ATP13A5: variants seen among roughly 807,000 people sequenced by gnomAD.
ATP13A5 encodes ATPase 13A5.
A neutral mutation model predicts 150.2 loss-of-function variants in ATP13A5; 149 were observed. That is an observed-to-expected ratio of 0.99 (90% CI 0.87 to 1.14). The LOEUF is 1.14. Among genes scored for constraint, ATP13A5 ranks in the 50% most tolerant of loss-of-function variants. ATP13A5 has a pLI of 0.00. For synonymous variants in ATP13A5, 497 were observed against 522.2 expected, an observed-to-expected ratio of 0.95 and a Z score of 0.66; for missense variants, 1,383 against 1,449.3, an observed-to-expected ratio of 0.95 and a Z score of 0.74.
Position 193,279,284 on chromosome 3 carries a change from G to A in ATP13A5, c.3315+82C>T. The A allele has an allele frequency of 9.0e-6, 10 of 1,116,702 alleles. No homozygotes were observed. In the South Asian group the frequency reaches 1.2e-4, roughly 13 times the overall value. The allele number at this position is 1,116,702 out of a possible 1,614,324, so 69.2% of individuals were successfully genotyped here. A position where few individuals can be genotyped will look rare whatever the true frequency, so the allele number is the denominator to read the frequency against. ...GTATTTGGTGGTCAAAGAGAATACA[G>A]TAATAATTGACTTGTGAATTACAAT... On this transcript the variant is annotated intron_variant, in intron 28 of 29. Transcript: ENST00000342358.
At chr3:193,354,254 C>G in intron 5 of ATP13A5, 58 bp from the exon 6 acceptor site, 1 of 1,462,650 alleles carries the variant, frequency 6.8e-7, no homozygotes, top group South Asian at 1.2e-5. Flanking sequence ...TAAGTGACTA[C>G]AGGCCAAACT....
At chr3:193,363,744 C>T (rs1472993840) in intron 2 of ATP13A5, among the ~76,000 whole-genome samples, 1 of 152,168 alleles carries the variant, frequency 6.6e-6, no homozygotes, top group African/African-American at 2.4e-5. Flanking sequence ...TGTGTAATAT[C>T]CTCCAAAATA....
At chr3:193,308,260 C>CA in intron 21 of ATP13A5, among the ~76,000 whole-genome samples, 1 of 152,106 alleles carries the variant, frequency 6.6e-6, no homozygotes, top group Middle Eastern at 3.4e-3. Flanking sequence ...GAGTTCGAGA[C>CA]CAGCCTAGCC....
intron 7 of ATP13A5, among the ~76,000 whole-genome samples, chr3:193,346,141 GT>G (rs1429478607): frequency 6.6e-6 from 1 of 152,054 alleles, no homozygotes; most frequent in Non-Finnish European, 1.5e-5. Context: ...ATACAATAGG[GT>G]TAAGTTTTAA....
intron 6 of ATP13A5, among the ~76,000 whole-genome samples, chr3:193,352,666 G>A (rs1208892989): frequency 6.6e-6 from 1 of 152,088 alleles, no homozygotes; most frequent in Non-Finnish European, 1.5e-5. Flanking sequence ...ATATGTGGAG[G>A]CAGGACGTAT....
intron 23 of ATP13A5, 73 bp downstream of exon 23, chr3:193,305,486 A>G: frequency 8.6e-7 from 1 of 1,156,412 alleles, no homozygotes; most frequent in Non-Finnish European, 1.3e-6. Flanking sequence ...TTTAGCTTGT[A>G]GTTGAATTCT....
intron 9 of ATP13A5, among the ~76,000 whole-genome samples, chr3:193,338,275 T>C (rs932088277): frequency 1.3e-5 from 2 of 152,178 alleles, no homozygotes; most frequent in African/African-American, 4.8e-5. Flanking sequence ...CTATGTTGAA[T>C]AGGAGTGGTG....
intron 7 of ATP13A5, 58 bp from the exon 8 acceptor site, chr3:193,345,133 G>A: frequency 1.3e-6 from 2 of 1,488,060 alleles, no homozygotes; most frequent in South Asian, 2.3e-5. Context: ...AAAACCACAT[G>A]ATCTCATTAC....
intron 1 of ATP13A5, among the ~76,000 whole-genome samples, chr3:193,372,618 CT>C (rs1713492129): frequency 6.6e-6 from 1 of 152,074 alleles, no homozygotes; most frequent in Non-Finnish European, 1.5e-5. Context: ...GAAGAACAGG[CT>C]TTTACTAAGG....
chr3:193,307,170 C>T (rs751298369), intron 22 of ATP13A5, 157 bp downstream of exon 22: 42 of 1,478,878 alleles, frequency 2.8e-5, no homozygotes, highest in African/African-American at 7.0e-5. Context: ...TACTCCCCTC[C>T]GCTTCCAACC....
At chr3:193,334,002 G>T in intron 10 of ATP13A5, 95 bp from the exon 11 acceptor site, 1 of 1,146,840 alleles carries the variant, frequency 8.7e-7, no homozygotes, top group Non-Finnish European at 1.2e-6. Flanking sequence ...AGAGTAGAGT[G>T]TCCTCTAACC....
intron 23 of ATP13A5, among the ~76,000 whole-genome samples, chr3:193,305,073 C>T (rs958595146): frequency 1.3e-5 from 2 of 152,152 alleles, no homozygotes; most frequent in Non-Finnish European, 2.9e-5. Flanking sequence ...AACACAAAGC[C>T]AAACCATATC....
At chr3:193,371,768 C>T (rs1485469584) in intron 1 of ATP13A5, among the ~76,000 whole-genome samples, 2 of 152,062 alleles carry the variant, frequency 1.3e-5, no homozygotes, top group East Asian at 3.9e-4. Flanking sequence ...CAGGAAAGGC[C>T]CAGTCTCTTT....
intron 13 of ATP13A5, among the ~76,000 whole-genome samples, chr3:193,326,409 C>T (rs1046286728): frequency 4.6e-5 from 7 of 152,174 alleles, no homozygotes; most frequent in African/African-American, 1.7e-4. Context: ...ATTCTAGCCG[C>T]ACGTCCCTCA....
At chr3:193,299,547 T>C (rs370205872) in intron 24 of ATP13A5, among the ~76,000 whole-genome samples, 2 of 152,170 alleles carry the variant, frequency 1.3e-5, no homozygotes, top group Non-Finnish European at 2.9e-5. Context: ...AGAAATGTTA[T>C]ACTTAAAATT....
chr3:193,275,251 C>T lies in ATP13A5; in HGVS notation c.3448G>A (p.Gly1150Arg). ...CTATATTGACTTTTAGAGTAGAATC[C>T]AAATTCTCTTTTGATCAACAGCCAG... is the stretch of plus-strand genomic sequence containing the variant. ...ELWLLIKREF[G>R]FYSKSQYRTW... Residue 1150 changes from glycine to arginine, a missense_variant, in exon 30 of 30, where the codon GGA (glycine) becomes AGA (arginine). Physicochemically the swap from Gly to Arg is moderately radical, Grantham distance 125. Transcript: ENST00000342358. 6.2e-7 allele frequency: 1 copy of T among 1,614,038 alleles called. No homozygotes were observed. Among genetic ancestry groups the T allele is most frequent in the South Asian group, 1.1e-5 (1 of 91,070 alleles).
intron 3 of ATP13A5, among the ~76,000 whole-genome samples, 167 bp downstream of exon 3, chr3:193,363,069 C>A (rs1713098505): frequency 6.6e-6 from 1 of 152,168 alleles, no homozygotes; most frequent in African/African-American, 2.4e-5. Flanking sequence ...CCCAAAAGTG[C>A]CGGGATTACA....
chr3:193,284,007 G>GATT (rs3048432), intron 27 of ATP13A5, among the ~76,000 whole-genome samples: 110,777 of 141,740 alleles, frequency 0.78, 43,634 homozygotes, highest in South Asian at 0.86. Context: ...TTGGCCTGCG[G>GATT]ATTATTATTA....
Position 193,360,900 on chromosome 3 carries a change from C to A in ATP13A5, c.536+1481G>T, listed in dbSNP as rs371235517. 2.0e-5 allele frequency among the ~76,000 whole-genome samples: 3 copies of A among 152,190 alleles called. No homozygotes were observed. In the East Asian group the frequency reaches 5.8e-4, roughly 29 times the overall value. On this transcript the variant is annotated intron_variant, in intron 5 of 29. Transcript: ENST00000342358. Reference sequence around the variant, plus strand: ...CCATGTTGGCCAGGCTGGTCTTGAACTCTTGACCTCAGGTGAACCACCCGC... The same window carrying A: ...CCATGTTGGCCAGGCTGGTCTTGAAATCTTGACCTCAGGTGAACCACCCGC...
Sources: gnomAD v4.1 joint callset for allele counts (sites outside exome capture counted in the v4.1 genomes callset) on GRCh38, gnomAD v4.1.1 for gene constraint, MANE v1.5 for transcripts, NCBI Gene and HGNC (gene_info 2026-07-23, HGNC 2026-07-21) for gene names.